ZNF425: variants seen among roughly 807,000 people sequenced by gnomAD.
ZNF425 encodes the protein zinc finger protein 425.
A neutral mutation model predicts 17.0 loss-of-function variants in ZNF425; 21 were observed. The observed-to-expected ratio is 1.23, with a 90% CI of 0.88 to 1.78. ZNF425 has a LOEUF of 1.78. Ranked by LOEUF, ZNF425 falls within the 40% of genes most tolerant of loss-of-function variation. The pLI is 0.00. For synonymous variants in ZNF425, 433 were observed against 384.1 expected (o/e 1.13, Z -1.49); for missense variants, 868 against 967.3 (o/e 0.90, Z 1.36).
chr7:149,126,044 T>C, intron 1 of ZNF425, 152 bp downstream of exon 1: 1 of 1,462,308 alleles, frequency 6.8e-7, no homozygotes, highest in Non-Finnish European at 9.4e-7. Flanking sequence ...GACTGCACCT[T>C]CTCCAGCCCA....
intron 1 of ZNF425, among the ~76,000 whole-genome samples, chr7:149,123,887 G>A (rs1291398502): frequency 2.3e-5 from 3 of 131,960 alleles, no homozygotes; most frequent in Non-Finnish European, 3.1e-5. Flanking sequence ...TCGCTCTTTC[G>A]CCCAGACTGG....
rs142417321 is a variant in ZNF425 at position 149,104,514 on chromosome 7, A to T, written c.1357T>A (p.Trp453Arg). 2.0e-4 allele frequency: 320 copies of T among 1,601,268 alleles called. No individual in the cohort carries two copies. The highest frequency in any genetic ancestry group is 2.6e-4 in the Non-Finnish European group (302 of 1,174,836). The change falls in exon 4 of 4, where the codon TGG becomes AGG. Residue 453 changes from tryptophan (W) to arginine (R), a missense_variant. Trp to Arg is a moderately radical substitution (Grantham distance 101, BLOSUM62 -3). Coordinates refer to ENST00000378061, the MANE Select transcript of ZNF425 (RefSeq NM_001001661.3). This position sits in a 1 kb window ranked among gnomAD's most constrained non-coding sequence, Gnocchi z 4.3. ...QCPECSRGFF[W>R]RNAMRAHQRL... is the part of the protein sequence containing the mutation. ...TGGTGGGCGCGCATGGCGTTCCTCC[A>T]GAAGAAGCCCCTGCTGCACTCCGGG...
chr7:149,126,306 G>C lies in ZNF425; in HGVS notation c.-93C>G, dbSNP rs372295060. On this transcript the variant is annotated 5_prime_UTR_variant, in exon 1 of 4. Transcript: ENST00000378061. Reference sequence around the variant, plus strand: ...AGGTACAGCCCTGCTGGCCCCCAAAGGCAGAGCCGGCCGGGCGCGGTGCAT... The same window carrying C: ...AGGTACAGCCCTGCTGGCCCCCAAACGCAGAGCCGGCCGGGCGCGGTGCAT... 15 of 1,504,126 alleles carry C rather than the reference G, an allele frequency of 1.0e-5. No homozygotes were observed. The highest frequency in any genetic ancestry group is 2.6e-5 in the East Asian group (1 of 39,086). 93.2% of individuals were successfully genotyped at this position (1,504,126 alleles called of 1,614,324 possible). A position where few individuals can be genotyped will look rare whatever the true frequency, so the allele number is the denominator to read the frequency against.
intron 2 of ZNF425, among the ~76,000 whole-genome samples, chr7:149,113,925 G>A (rs113885642): frequency 0.045 from 6,754 of 151,390 alleles, 508 homozygotes; most frequent in African/African-American, 0.15. Flanking sequence ...AGAGTTGGGA[G>A]GATCACTTGA....
Position 149,104,533 on chromosome 7 carries a change from C to T in ZNF425, c.1338G>A (p.Glu446=). The part of the protein sequence containing the change: ...HIGKRPFQCP[E]CSRGFFWRNA... The stretch of plus-strand genomic sequence containing the variant: ...TCCTCCAGAAGAAGCCCCTGCTGCA[C>T]TCCGGGCACTGGAAGGGCCGCTTCC... Residue 446 remains glutamate, a synonymous_variant, in exon 4 of 4, where the codon GAG becomes GAA. Transcript: ENST00000378061. The surrounding 1 kb of genome is among the most constrained non-coding windows in gnomAD (Gnocchi z 4.3). 1 of 1,609,432 alleles carries T rather than the reference C, an allele frequency of 6.2e-7. No homozygotes were observed. The highest frequency in any genetic ancestry group is 8.5e-7 in the Non-Finnish European group (1 of 1,178,120).
chr7:149,118,408 GT>G (rs1826302000), intron 1 of ZNF425, 60 bp from the exon 2 acceptor site: 2 of 1,576,388 alleles, frequency 1.3e-6, no homozygotes, highest in Non-Finnish European at 1.7e-6. Flanking sequence ...GTTTTTCAAT[GT>G]CCATTACTTT....
chr7:149,105,907 T>C (rs1486120834), intron 3 of ZNF425, among the ~76,000 whole-genome samples: 1 of 151,540 alleles, frequency 6.6e-6, no homozygotes, highest in African/African-American at 2.4e-5. Flanking sequence ...AGTGCTGGGA[T>C]TACAGGCGTG....
chr7:149,125,088 A>T (rs1826436511), intron 1 of ZNF425, among the ~76,000 whole-genome samples: 1 of 152,226 alleles, frequency 6.6e-6, no homozygotes, highest in Non-Finnish European at 1.5e-5. Context: ...GAGAGAAAAA[A>T]AGAAAGCCTG....
At position 149,104,546 on chromosome 7, in the gene ZNF425, A is replaced by T; in HGVS notation, c.1325T>A (p.Phe442Tyr). Reference sequence around the variant, plus strand: ...GCCCCTGCTGCACTCCGGGCACTGGAAGGGCCGCTTCCCAATGTGCTGCAG... The same window carrying T: ...GCCCCTGCTGCACTCCGGGCACTGGTAGGGCCGCTTCCCAATGTGCTGCAG... Reference protein sequence around the residue: ...HGLQHIGKRPFQCPECSRGFF... With the variant: ...HGLQHIGKRPYQCPECSRGFF... Residue 442 changes from phenylalanine (F) to tyrosine (Y), a missense_variant, in exon 4 of 4, where the codon TTC becomes TAC. Physicochemically the swap from Phe to Tyr is conservative, Grantham distance 22. Transcript: ENST00000378061. This position sits in a 1 kb window ranked among gnomAD's most constrained non-coding sequence, Gnocchi z 4.3. 1 of 1,611,844 alleles carries T rather than the reference A, an allele frequency of 6.2e-7. No homozygotes were observed. Among genetic ancestry groups the T allele is most frequent in the South Asian group, 1.1e-5 (1 of 90,870 alleles).
chr7:149,111,765 C>T (rs917045356), intron 3 of ZNF425, among the ~76,000 whole-genome samples: 1 of 151,536 alleles, frequency 6.6e-6, no homozygotes, highest in Non-Finnish European at 1.5e-5. Flanking sequence ...CCACAACCTC[C>T]GCCTCCCACG....
At chr7:149,108,160 C>A (rs777597660) in intron 3 of ZNF425, among the ~76,000 whole-genome samples, 8 of 152,136 alleles carry the variant, frequency 5.3e-5, no homozygotes, top group Non-Finnish European at 7.3e-5. Context: ...GCATGAGCCA[C>A]TGTACCTGAG....
chr7:149,107,447 C>T (rs1167165210), intron 3 of ZNF425, among the ~76,000 whole-genome samples: 1 of 151,736 alleles, frequency 6.6e-6, no homozygotes. Flanking sequence ...ATGCCATTCT[C>T]CTGCCTCAGC....
At chr7:149,117,423 C>A (rs960218206) in intron 2 of ZNF425, among the ~76,000 whole-genome samples, 7 of 152,028 alleles carry the variant, frequency 4.6e-5, no homozygotes, top group Non-Finnish European at 1.0e-4. Flanking sequence ...CCTTCCTCTA[C>A]CCTTTTCTTG....
At chr7:149,113,697 G>A (rs184041581) in intron 2 of ZNF425, among the ~76,000 whole-genome samples, 6,783 of 151,672 alleles carry the variant, frequency 0.045, 512 homozygotes, top group African/African-American at 0.15. Context: ...GACTACAGGC[G>A]CCTGCCACCA....
chr7:149,104,918 G>A lies in ZNF425; in HGVS notation c.953C>T (p.Thr318Met), dbSNP rs755491166. 7.4e-6 allele frequency: 12 copies of A among 1,613,506 alleles called. No homozygotes were observed. The highest frequency in any genetic ancestry group is 1.1e-5 in the South Asian group (1 of 91,028). Reference sequence around the variant, plus strand: ...TCCGCTGTGCAGCCGCAAGTGCTCCGTGAGCTCGCACTGCTGCACGAAGGC... The same window carrying A: ...TCCGCTGTGCAGCCGCAAGTGCTCCATGAGCTCGCACTGCTGCACGAAGGC... ...GRAFVQQCEL[T>M]EHLRLHSGEK... The change falls in exon 4 of 4, where the codon ACG becomes ATG. Residue 318 changes from threonine (T) to methionine (M), a missense_variant. Thr to Met is a moderately conservative substitution (Grantham distance 81). Transcript: ENST00000378061. This position sits in a 1 kb window ranked among gnomAD's most constrained non-coding sequence, Gnocchi z 4.3.
chr7:149,118,612 A>C, intron 1 of ZNF425: 1 of 432,882 alleles, frequency 2.3e-6, no homozygotes, highest in Non-Finnish European at 4.4e-6. Flanking sequence ...CAGGAGTTTG[A>C]GAGACCAGCC....
At position 149,103,112 on chromosome 7, in the gene ZNF425, G is replaced by A. The variant is rs1248771828; in HGVS notation, c.*500C>T. The A allele has an allele frequency of 6.5e-6, 1 of 153,300 alleles. No individual in the cohort carries two copies. Among genetic ancestry groups the A allele is most frequent in the Non-Finnish European group, 1.5e-5 (1 of 68,880 alleles). 9.5% of individuals were successfully genotyped at this position (153,300 alleles called of 1,614,324 possible). Reference sequence around the variant, plus strand: ...GTCTTTCCTATGACGATTATTGAGGGAGATGTCTCTTTGACTGTCTATGGA... The same window carrying A: ...GTCTTTCCTATGACGATTATTGAGGAAGATGTCTCTTTGACTGTCTATGGA... On this transcript the variant is annotated 3_prime_UTR_variant, in exon 4 of 4. Coordinates refer to ENST00000378061, the MANE Select transcript of ZNF425 (RefSeq NM_001001661.3).
chr7:149,110,320 C>T (rs1274003619), intron 3 of ZNF425, among the ~76,000 whole-genome samples: 1 of 150,626 alleles, frequency 6.6e-6, no homozygotes, highest in Non-Finnish European at 1.5e-5. Context: ...AATCCCAGCA[C>T]TTTGGGAAGC....
Position 149,104,254 on chromosome 7 carries a change from C to G in ZNF425, c.1617G>C (p.Ala539=). The G allele has an allele frequency of 3.1e-6, 5 of 1,613,472 alleles. No homozygotes were observed. Among genetic ancestry groups the G allele is most frequent in the Non-Finnish European group, 4.2e-6 (5 of 1,179,818 alleles). ...AECGRSFRRR[A]HLTEHTRLHS... ...GAAGCCTCGTGTGCTCTGTGAGATG[C>G]GCGCGTCGGCGGAAACTGCGGCCGC... Residue 539 remains alanine (A), a synonymous_variant, in exon 4 of 4, where the codon GCG becomes GCC. Transcript: ENST00000378061. This position sits in a 1 kb window ranked among gnomAD's most constrained non-coding sequence, Gnocchi z 4.3.
Sources: allele counts gnomAD v4.1 joint callset (sites outside exome capture counted in the v4.1 genomes callset), GRCh38; gene constraint gnomAD v4.1.1; non-coding constraint Gnocchi (gnomAD v3.1); transcripts MANE v1.5; gene names NCBI Gene and HGNC (gene_info 2026-07-23, HGNC 2026-07-21).